Variants in INPP5B observed in about 807,000 individuals in gnomAD.
The protein encoded by INPP5B is type II inositol 1,4,5-trisphosphate 5-phosphatase.
Under a neutral mutation model 118.5 loss-of-function variants are expected in INPP5B, and 90 were observed. The ratio of observed to expected loss-of-function variants is 0.76; its 90% confidence interval spans 0.64 to 0.90. INPP5B has a LOEUF of 0.90. INPP5B is among the 40% of genes least tolerant of loss of function. INPP5B has a pLI of 0.00. For missense variants in INPP5B, 984 were observed against 1,125.6 expected, an observed-to-expected ratio of 0.87 and a Z score of 1.80; for synonymous variants, 385 against 418.9, an observed-to-expected ratio of 0.92 and a Z score of 0.99.
chr1:37,889,145 G>A (rs1461593272), intron 9 of INPP5B, among the ~76,000 whole-genome samples: 2 of 152,198 alleles, frequency 1.3e-5, no homozygotes, highest in African/African-American at 4.8e-5. Context: ...GCTGAGGTGG[G>A]AGGGTTACTT....
Position 37,896,741 on chromosome 1 carries a change from C to T in INPP5B, c.533-5287G>A, listed in dbSNP as rs542249232. ...GAGGGAGGTGGGGGAGTCAGCCCCCCGCCCGGCCAGCCGCCCCGTCCCGGA... is the reference window on the plus strand; with the variant it reads ...GAGGGAGGTGGGGGAGTCAGCCCCCTGCCCGGCCAGCCGCCCCGTCCCGGA... On this transcript the variant is annotated intron_variant, in intron 7 of 23. Transcript: ENST00000373024. Among the ~76,000 whole-genome samples the T allele has an allele frequency of 2.4e-4, 32 of 133,996 alleles. 1 individual carries two copies. Among genetic ancestry groups the T allele is most frequent in the African/African-American group, 7.1e-4 (26 of 36,510 alleles). The allele number at this position is 133,996 out of a possible 152,430, so 87.9% of individuals were successfully genotyped here.
intron 7 of INPP5B, among the ~76,000 whole-genome samples, chr1:37,891,846 C>T (rs551165180): frequency 1.1e-4 from 16 of 152,214 alleles, no homozygotes; most frequent in Non-Finnish European, 1.5e-4. Context: ...ACAACAGCTT[C>T]GGAAATTGTA....
intron 13 of INPP5B, among the ~76,000 whole-genome samples, chr1:37,884,635 AC>A (rs944263447): frequency 9.2e-5 from 14 of 151,976 alleles, no homozygotes; most frequent in African/African-American, 3.4e-4. Context: ...GGATTCTCAC[AC>A]ATGTTGATAA....
rs1053912336 is a variant in INPP5B, at chr1:37,865,059, C to T, written c.2515-636G>A. Reference sequence around the variant, plus strand: ...AAAATTAGCCAGGCATGGTGGTGCACGCCTGTAATCCCAGCTACTCAGGAG... The same window carrying T: ...AAAATTAGCCAGGCATGGTGGTGCATGCCTGTAATCCCAGCTACTCAGGAG... On this transcript the variant is annotated intron_variant, in intron 22 of 23. Transcript: ENST00000373024. 5.3e-5 allele frequency among the ~76,000 whole-genome samples: 8 copies of T among 152,026 alleles called. No homozygotes were observed. The South Asian group carries it at 1.2e-3, about 24-fold the overall frequency.
intron 7 of INPP5B, chr1:37,929,077 G>A (rs1462203675): frequency 1.3e-5 from 2 of 151,998 alleles, no homozygotes; most frequent in African/African-American, 4.8e-5. Flanking sequence ...GCAATTAACA[G>A]TGTCACCCAG....
chr1:37,864,251 A>G (rs1345676825), intron 23 of INPP5B, 61 bp downstream of exon 23: 1 of 933,616 alleles, frequency 1.1e-6, no homozygotes, highest in African/African-American at 1.6e-5. Flanking sequence ...CCTCAACCTC[A>G]TTTCTCATTA....
intron 23 of INPP5B, 90 bp from the exon 24 acceptor site, chr1:37,862,520 A>C: frequency 1.2e-6 from 1 of 814,636 alleles, no homozygotes; most frequent in South Asian, 1.4e-5. Flanking sequence ...GTTCTGAGAA[A>C]TGTGTCATTA....
At chr1:37,863,471 C>T (rs1180923599) in intron 23 of INPP5B, among the ~76,000 whole-genome samples, 6 of 151,976 alleles carry the variant, frequency 3.9e-5, no homozygotes, top group African/African-American at 9.7e-5. Flanking sequence ...GCTGAGATCA[C>T]GCCACTGCAC....
At position 37,888,134 on chromosome 1, in the gene INPP5B, T is replaced by C. The variant is rs1643642784; in HGVS notation, c.899+109A>G. 10 of 587,472 alleles carry C rather than the reference T, an allele frequency of 1.7e-5. 1 individual carries two copies. The South Asian group carries it at 3.5e-4, about 21-fold the overall frequency. 36.4% of individuals were successfully genotyped at this position (587,472 alleles called of 1,614,324 possible). ...ACATCAAACAGGGAAACAGCTGTTA[T>C]CAGGCATCTGTTCATTTTTCAAATC... is the stretch of plus-strand genomic sequence containing the variant. On this transcript the variant is annotated intron_variant, in intron 10 of 23. Coordinates refer to ENST00000373024, the MANE Select transcript of INPP5B (RefSeq NM_005540.3).
intron 21 of INPP5B, 33 bp from the exon 22 acceptor site, chr1:37,865,921 C>T: frequency 6.2e-7 from 1 of 1,607,124 alleles, no homozygotes. Flanking sequence ...ACCGATAATG[C>T]TGCTGTCCAT....
At chr1:37,863,184 A>G (rs2148437329) in intron 23 of INPP5B, among the ~76,000 whole-genome samples, 1 of 150,324 alleles carries the variant, frequency 6.7e-6, no homozygotes, top group East Asian at 2.0e-4. Context: ...GCCCTCTCCC[A>G]TCCTGCAGTG....
At chr1:37,900,636 T>C (rs1193228610) in intron 7 of INPP5B, among the ~76,000 whole-genome samples, 1 of 150,436 alleles carries the variant, frequency 6.6e-6, no homozygotes, top group East Asian at 2.0e-4. Flanking sequence ...TTTTCTTTTT[T>C]TTTTTTGAGA....
At chr1:37,897,262 G>C (rs1339009847) in intron 7 of INPP5B, among the ~76,000 whole-genome samples, 1 of 150,802 alleles carries the variant, frequency 6.6e-6, no homozygotes, top group Non-Finnish European at 1.5e-5. Context: ...AACGGGCCAT[G>C]ATGACAATGG....
In INPP5B at chr1:37,891,248, C is replaced by T. The variant is rs1334519585; in HGVS notation, c.629+110G>A. On this transcript the variant is annotated intron_variant, in intron 8 of 23. Coordinates refer to ENST00000373024, the MANE Select transcript of INPP5B (RefSeq NM_005540.3). ...GTCTCAAAAAAAAAAAAAAAGGACA[C>T]TTCCTAGGCCAGCTACCCTGGGACA... The T allele has an allele frequency of 4.9e-6, 3 of 606,414 alleles. 1 individual carries two copies. The highest frequency in any genetic ancestry group is 3.9e-5 in the African/African-American group (2 of 51,776). The allele number at this position is 606,414 out of a possible 1,614,324, so 37.6% of individuals were successfully genotyped here.
chr1:37,931,749 C>A, intron 7 of INPP5B, 164 bp downstream of exon 7: 7 of 1,599,682 alleles, frequency 4.4e-6, no homozygotes, highest in Non-Finnish European at 5.1e-6. Context: ...CATCCCGCCG[C>A]CCGTCCCGCG....
At chr1:37,864,650 A>G in intron 22 of INPP5B, 1 of 354,056 alleles carries the variant, frequency 2.8e-6, no homozygotes, top group Non-Finnish European at 5.1e-6. Context: ...ACTGAAAGAA[A>G]TAAGACATTT....
chr1:37,899,400 C>T (rs1644246171), intron 7 of INPP5B, among the ~76,000 whole-genome samples: 1 of 151,750 alleles, frequency 6.6e-6, no homozygotes, highest in Non-Finnish European at 1.5e-5. Flanking sequence ...CCCGTCTCTA[C>T]TTAAAATACA....
chr1:37,896,314 T>C (rs1410004795), intron 7 of INPP5B, among the ~76,000 whole-genome samples: 53 of 119,364 alleles, frequency 4.4e-4, no homozygotes, highest in African/African-American at 1.4e-3. Context: ...ACCCTCTGCC[T>C]GGCAACCGCC....
At chr1:37,935,862 C>A (rs985950711) in intron 6 of INPP5B, among the ~76,000 whole-genome samples, 1 of 151,216 alleles carries the variant, frequency 6.6e-6, no homozygotes, top group African/African-American at 2.4e-5. Flanking sequence ...GTCAGGAGAT[C>A]CAGACCATTC....
Sources: allele counts gnomAD v4.1 joint callset (sites outside exome capture counted in the v4.1 genomes callset), GRCh38; gene constraint gnomAD v4.1.1; transcripts MANE v1.5; gene names NCBI Gene and HGNC (gene_info 2026-07-23, HGNC 2026-07-21).